The following TGFBR2 variants were observed in gnomAD, a reference collection of about 807,000 sequenced individuals.
The protein encoded by TGFBR2 is TGF-beta receptor type-2.
In TGFBR2, 18 loss-of-function variants were observed where a neutral mutation model predicts 49.0. The observed-to-expected ratio is 0.37, with a 90% confidence interval of 0.25 to 0.54. The LOEUF (loss-of-function observed/expected upper bound fraction) is 0.54, where lower values mean the gene tolerates loss of function less well. TGFBR2 is among the 20% of genes least tolerant of loss of function. The pLI is 0.85. For missense variants in TGFBR2, 525 were observed against 722.6 expected (o/e 0.73, Z 3.13); for synonymous variants, 282 against 275.9 (o/e 1.02, Z -0.22).
chr3:30,617,428 G>GA (rs991844202), intron 1 of TGFBR2, among the ~76,000 whole-genome samples: 1 of 152,024 alleles, frequency 6.6e-6, no homozygotes, highest in Admixed American at 6.6e-5. Context: ...ATGTGAAAAG[G>GA]AAAAAAATCT....
intron 3 of TGFBR2, among the ~76,000 whole-genome samples, chr3:30,666,493 T>G (rs1411379256): frequency 6.6e-6 from 1 of 152,180 alleles, no homozygotes; most frequent in Non-Finnish European, 1.5e-5. Context: ...ATATACTCCT[T>G]TAGACACATT....
intron 3 of TGFBR2, among the ~76,000 whole-genome samples, chr3:30,669,128 A>C (rs896493523): frequency 4.2e-5 from 1 of 23,666 alleles, no homozygotes; most frequent in African/African-American, 9.3e-5. Flanking sequence ...ATACAAAAAA[A>C]AAAAAAAAAA....
At chr3:30,636,717 C>T (rs1217488856) in intron 1 of TGFBR2, among the ~76,000 whole-genome samples, 1 of 149,044 alleles carries the variant, frequency 6.7e-6, no homozygotes, top group Non-Finnish European at 1.5e-5. Flanking sequence ...AATATATAAG[C>T]ATGCATGTGT....
In TGFBR2 at chr3:30,606,763, C is replaced by T; in HGVS notation, c.-121C>T. On this transcript the variant is annotated 5_prime_UTR_variant, in exon 1 of 7. Coordinates refer to ENST00000295754, the MANE Select transcript of TGFBR2 (RefSeq NM_003242.6). ...CGGGCGCCACATCTGGCCCGCACAT[C>T]TGCGCTGCCGGCCCGGCGCGGGGTC... 1.4e-6 allele frequency: 1 copy of T among 709,920 alleles called. No individual in the cohort carries two copies. 44.0% of individuals were successfully genotyped at this position (709,920 alleles called of 1,614,324 possible). A position where few individuals can be genotyped will look rare whatever the true frequency, so the allele number is the denominator to read the frequency against.
intron 1 of TGFBR2, among the ~76,000 whole-genome samples, chr3:30,632,340 A>G (rs900982403): frequency 6.6e-6 from 1 of 152,210 alleles, no homozygotes; most frequent in African/African-American, 2.4e-5. Context: ...GGATTTGAAA[A>G]TTGAACTGGA....
chr3:30,674,399 A>G (rs1699396924), intron 5 of TGFBR2, among the ~76,000 whole-genome samples, 153 bp downstream of exon 5: 2 of 152,248 alleles, frequency 1.3e-5, no homozygotes, highest in East Asian at 1.9e-4. Context: ...ATTTGGGGTT[A>G]TGCTAAACAG....
At chr3:30,610,580 C>T (rs369397802) in intron 1 of TGFBR2, among the ~76,000 whole-genome samples, 14 of 152,064 alleles carry the variant, frequency 9.2e-5, no homozygotes, top group East Asian at 3.9e-4. Context: ...GGAATCAGGC[C>T]GTCCTGGGTT....
intron 1 of TGFBR2, among the ~76,000 whole-genome samples, chr3:30,608,589 C>T (rs931333012): frequency 2.6e-5 from 4 of 152,068 alleles, no homozygotes; most frequent in Non-Finnish European, 4.4e-5. Flanking sequence ...ATGCGCATCA[C>T]GGTCAGTTGT....
intron 1 of TGFBR2, among the ~76,000 whole-genome samples, chr3:30,613,582 G>A (rs1698073296): frequency 6.6e-6 from 1 of 152,118 alleles, no homozygotes; most frequent in African/African-American, 2.4e-5. Flanking sequence ...GCGAGCTTGG[G>A]TGTCCACATA....
intron 3 of TGFBR2, among the ~76,000 whole-genome samples, chr3:30,668,158 GT>G: frequency 6.6e-6 from 1 of 152,302 alleles, no homozygotes; most frequent in Non-Finnish European, 1.5e-5. Context: ...AATTTGAGAA[GT>G]ATCATTCCAC....
At chr3:30,634,701 T>A (rs1433970585) in intron 1 of TGFBR2, among the ~76,000 whole-genome samples, 1 of 152,244 alleles carries the variant, frequency 6.6e-6, no homozygotes, top group Non-Finnish European at 1.5e-5. Flanking sequence ...TTTAATCATC[T>A]TTTATTTTCA....
rs78698791 is a variant in TGFBR2 at position 30,671,436 on chromosome 3, AG to A, written c.455-198del. The stretch of plus-strand genomic sequence containing the variant: ...TTAAGCTGAAGTTTGAAGGAAGAGC[AG>A]GGGATGACGAACAGATGGCCAGAGG... On this transcript the variant is annotated intron_variant, in intron 3 of 6. Transcript: ENST00000295754. Among the ~76,000 whole-genome samples, 20 of 152,360 alleles carry A rather than the reference AG, an allele frequency of 1.3e-4. No homozygotes were observed. The East Asian group carries it at 3.9e-3, about 29-fold the overall frequency.
intron 1 of TGFBR2, among the ~76,000 whole-genome samples, chr3:30,611,255 A>T (rs1698024614): frequency 6.6e-6 from 1 of 152,192 alleles, no homozygotes; most frequent in Non-Finnish European, 1.5e-5. Context: ...ACTGTATCTA[A>T]TGCAACTGAG....
chr3:30,646,823 T>C (rs1433826955), intron 2 of TGFBR2, among the ~76,000 whole-genome samples: 1 of 152,220 alleles, frequency 6.6e-6, no homozygotes, highest in East Asian at 1.9e-4. Flanking sequence ...TTAAGATTTT[T>C]GTTTTCCTGA....
chr3:30,672,452 G>A lies in TGFBR2; in HGVS notation c.1254+15G>A, dbSNP rs1161995520. 4.3e-6 allele frequency: 7 copies of A among 1,613,812 alleles called. No individual in the cohort carries two copies. In the East Asian group the frequency reaches 6.7e-5, roughly 15 times the overall value. ...ACAGTGGGCAGGTAAGTTAGAGCTA[G>A]TGCTAGATCCCCTTTACCTTGAGCC... On this transcript the variant is annotated intron_variant, in intron 4 of 6. Transcript: ENST00000295754. The surrounding 1 kb of genome is among the most constrained non-coding windows in gnomAD (Gnocchi z 4.5).
At chr3:30,632,626 A>C (rs1698458522) in intron 1 of TGFBR2, among the ~76,000 whole-genome samples, 1 of 152,168 alleles carries the variant, frequency 6.6e-6, no homozygotes, top group African/African-American at 2.4e-5. Context: ...ACTCATACTT[A>C]TCTTGTCATT....
At position 30,650,358 on chromosome 3, in the gene TGFBR2, T is replaced by C. The variant is rs540920930; in HGVS notation, c.352T>C (p.Ser118Pro). The change falls in exon 3 of 7, where the codon TCT becomes CCT. Residue 118 changes from serine (S) to proline (P), a missense_variant. Physicochemically the swap from Ser to Pro is moderately conservative, Grantham distance 74. Coordinates refer to ENST00000295754, the MANE Select transcript of TGFBR2 (RefSeq NM_003242.6). ...TGACTTTATTCTGGAAGATGCTGCT[T>C]CTCCAAAGTGCATTATGAAGGAAAA... ...YHDFILEDAA[S>P]PKCIMKEKKK... 1.2e-6 allele frequency: 2 copies of C among 1,613,988 alleles called. No individual in the cohort carries two copies. The highest frequency in any genetic ancestry group is 2.7e-5 in the African/African-American group (2 of 75,012).
rs1699364626 is a variant in TGFBR2, at chr3:30,672,679, C to G, written c.1254+242C>G. Among the ~76,000 whole-genome samples the G allele has an allele frequency of 1.3e-5, 2 of 152,180 alleles. No individual in the cohort carries two copies. The highest frequency in any genetic ancestry group is 1.3e-4 in the Admixed American group (2 of 15,282). ...CCTTCCCAGTTCAGCACATTTTTTC[C>G]TCCTGGATCAATCCTCATTTCTCTT... On this transcript the variant is annotated intron_variant, in intron 4 of 6. Coordinates refer to ENST00000295754, the MANE Select transcript of TGFBR2 (RefSeq NM_003242.6). The surrounding 1 kb of genome is among the most constrained non-coding windows in gnomAD (Gnocchi z 4.5).
At chr3:30,639,782 C>T (rs1050761682) in intron 1 of TGFBR2, among the ~76,000 whole-genome samples, 4 of 152,070 alleles carry the variant, frequency 2.6e-5, no homozygotes, top group Admixed American at 2.0e-4. Context: ...AAACAACAGT[C>T]GGTAGATACA....
Sources: allele counts gnomAD v4.1 joint callset (sites outside exome capture counted in the v4.1 genomes callset), GRCh38; gene constraint gnomAD v4.1.1; non-coding constraint Gnocchi (gnomAD v3.1); transcripts MANE v1.5; gene names NCBI Gene and HGNC (gene_info 2026-07-23, HGNC 2026-07-21).